Variants in SYT16 observed in about 807,000 individuals in gnomAD.
SYT16 encodes the protein synaptotagmin-16.
A neutral mutation model predicts 61.4 loss-of-function variants in SYT16; 42 were observed. The ratio of observed to expected loss-of-function variants is 0.68; its 90% CI spans 0.53 to 0.89. The LOEUF (loss-of-function observed/expected upper bound fraction) is 0.89, where lower values mean the gene tolerates loss of function less well. Ranked by LOEUF, SYT16 falls within the 40% of genes least tolerant of loss-of-function variation. SYT16 has a pLI of 0.00. For synonymous variants in SYT16, 314 were observed against 302.3 expected (o/e 1.04, Z -0.40); for missense variants, 804 against 807.3 (o/e 1.00, Z 0.05).
Position 61,995,867 on chromosome 14 carries a change from C to G in SYT16, c.-144-9C>G. 1 of 730,378 alleles carries G rather than the reference C, an allele frequency of 1.4e-6. No homozygotes were observed. The highest frequency in any genetic ancestry group is 2.8e-5 in the East Asian group (1 of 35,668). 45.2% of individuals were successfully genotyped at this position (730,378 alleles called of 1,614,324 possible). A position where few individuals can be genotyped will look rare whatever the true frequency, so the allele number is the denominator to read the frequency against. ...TAACAGGTGTAAGTATTTCTTTCCTCTGTTTCAGCTGGAAGTTTTGAGAGT... is the reference window on the plus strand; with the variant it reads ...TAACAGGTGTAAGTATTTCTTTCCTGTGTTTCAGCTGGAAGTTTTGAGAGT... On this transcript the variant is annotated splice_polypyrimidine_tract_variant and intron_variant, in intron 2 of 7. Coordinates refer to ENST00000683842, the MANE Select transcript of SYT16 (RefSeq NM_001367656.1).
At chr14:62,081,464 A>G (rs1185333638) in intron 6 of SYT16, among the ~76,000 whole-genome samples, 190 bp downstream of exon 6, 1 of 152,172 alleles carries the variant, frequency 6.6e-6, no homozygotes, top group African/African-American at 2.4e-5. Flanking sequence ...TGTCTTCCTG[A>G]TAACCTGATG....
intron 1 of SYT16, among the ~76,000 whole-genome samples, chr14:61,938,444 C>CT (rs2050076725): frequency 6.6e-6 from 1 of 151,794 alleles, no homozygotes. Context: ...TGGGAGGGGA[C>CT]TTGACTAGGA....
chr14:61,873,168 A>C (rs1272019907), intron 1 of SYT16, among the ~76,000 whole-genome samples: 3 of 152,202 alleles, frequency 2.0e-5, no homozygotes, highest in Non-Finnish European at 4.4e-5. Flanking sequence ...AAACCTGTGA[A>C]ATTTAAGTAT....
chr14:61,962,239 A>G (rs2051144724), intron 1 of SYT16, among the ~76,000 whole-genome samples: 1 of 152,172 alleles, frequency 6.6e-6, no homozygotes, highest in Non-Finnish European at 1.5e-5. Flanking sequence ...GCTATATAAA[A>G]AACCTGCACA....
chr14:61,894,144 G>A (rs966586409), intron 1 of SYT16, among the ~76,000 whole-genome samples: 8 of 152,118 alleles, frequency 5.3e-5, no homozygotes, highest in Non-Finnish European at 7.3e-5. Flanking sequence ...AATTAGCCGG[G>A]CATTGTGGCA....
At chr14:61,879,636 C>T (rs2047625300) in intron 1 of SYT16, among the ~76,000 whole-genome samples, 1 of 152,196 alleles carries the variant, frequency 6.6e-6, no homozygotes, top group African/African-American at 2.4e-5. Context: ...GCGGGAGCTT[C>T]TAGTGTTATC....
intron 1 of SYT16, among the ~76,000 whole-genome samples, chr14:61,895,978 C>T (rs2048310641): frequency 1.3e-5 from 2 of 152,080 alleles, no homozygotes; most frequent in African/African-American, 4.8e-5. Context: ...TTCATGATTG[C>T]CCTCTGTTTG....
At chr14:62,024,972 TC>T (rs1225075210) in intron 3 of SYT16, among the ~76,000 whole-genome samples, 4 of 152,122 alleles carry the variant, frequency 2.6e-5, no homozygotes, top group Admixed American at 6.6e-5. Flanking sequence ...ATAGCTAATT[TC>T]TTTTCAGGGC....
intron 2 of SYT16, among the ~76,000 whole-genome samples, chr14:61,982,307 C>T (rs371157127): frequency 2.4e-4 from 36 of 152,026 alleles, no homozygotes; most frequent in African/African-American, 8.7e-4. Flanking sequence ...TAAAGATATA[C>T]CTGAGACTGG....
intron 2 of SYT16, among the ~76,000 whole-genome samples, chr14:61,971,191 G>A (rs1337957767): frequency 6.6e-6 from 1 of 152,160 alleles, no homozygotes; most frequent in Non-Finnish European, 1.5e-5. Flanking sequence ...TACGAGAAAG[G>A]CATAATGTAG....
intron 1 of SYT16, among the ~76,000 whole-genome samples, chr14:61,874,023 C>G (rs2047410455): frequency 1.3e-5 from 2 of 152,142 alleles, no homozygotes; most frequent in South Asian, 4.1e-4. Context: ...GAAAAATACT[C>G]AGATTAATAC....
chr14:62,047,776 T>A (rs2055063142), intron 3 of SYT16, among the ~76,000 whole-genome samples: 1 of 152,180 alleles, frequency 6.6e-6, no homozygotes, highest in Non-Finnish European at 1.5e-5. Flanking sequence ...CTGGATTACG[T>A]TTATTGATTT....
At chr14:61,815,595 C>T (rs1486826805) in intron 1 of SYT16, among the ~76,000 whole-genome samples, 4 of 152,106 alleles carry the variant, frequency 2.6e-5, no homozygotes, top group Non-Finnish European at 5.9e-5. Context: ...CAAAAAAGAA[C>T]ATAGCCAATA....
intron 1 of SYT16, among the ~76,000 whole-genome samples, chr14:61,898,838 G>A (rs1280990556): frequency 3.3e-5 from 5 of 152,128 alleles, no homozygotes; most frequent in South Asian, 2.1e-4. Flanking sequence ...TTGTGTCCCC[G>A]TCCAGCACAG....
intron 3 of SYT16, among the ~76,000 whole-genome samples, chr14:62,023,554 T>A (rs2053990528): frequency 6.6e-6 from 1 of 152,112 alleles, no homozygotes; most frequent in Non-Finnish European, 1.5e-5. Context: ...TACCATTTTC[T>A]CTTCATCTCT....
intron 1 of SYT16, among the ~76,000 whole-genome samples, chr14:61,955,014 T>C (rs2050817897): frequency 6.6e-6 from 1 of 152,132 alleles, no homozygotes. Flanking sequence ...TCAGACCCTT[T>C]TAATAATGTT....
At chr14:62,030,260 A>G (rs551367460) in intron 3 of SYT16, among the ~76,000 whole-genome samples, 4 of 152,186 alleles carry the variant, frequency 2.6e-5, no homozygotes, top group Admixed American at 6.5e-5. Context: ...ATTTTGATCA[A>G]TTCCTTTTCA....
chr14:61,905,055 A>G (rs1025659418), intron 1 of SYT16, among the ~76,000 whole-genome samples: 4 of 152,178 alleles, frequency 2.6e-5, no homozygotes, highest in Admixed American at 1.3e-4. Context: ...ATTTACTTAT[A>G]TCCCACTTCG....
At chr14:62,049,940 A>G (rs547176547) in intron 3 of SYT16, among the ~76,000 whole-genome samples, 1 of 152,184 alleles carries the variant, frequency 6.6e-6, no homozygotes, top group Admixed American at 6.5e-5. Context: ...GAATCAGACA[A>G]TTATGTGTCT....
Sources: allele counts gnomAD v4.1 joint callset (sites outside exome capture counted in the v4.1 genomes callset), GRCh38; gene constraint gnomAD v4.1.1; transcripts MANE v1.5; gene names NCBI Gene and HGNC (gene_info 2026-07-23, HGNC 2026-07-21).